WDR72: variants seen among roughly 807,000 people sequenced by gnomAD.
The protein encoded by WDR72 is WD repeat domain 72.
Under a neutral mutation model 124.2 loss-of-function variants are expected in WDR72, and 120 were observed. That is an observed-to-expected ratio of 0.97 (90% CI 0.83 to 1.12). WDR72 has a LOEUF of 1.12. Ranked by LOEUF, WDR72 falls within the 50% of genes most tolerant of loss-of-function variation. The pLI is 0.00. For missense variants in WDR72, 1,387 were observed against 1,278.8 expected (o/e 1.08, Z -1.29); for synonymous variants, 452 against 441.7 (o/e 1.02, Z -0.29).
intron 14 of WDR72, among the ~76,000 whole-genome samples, chr15:53,639,201 C>G (rs1002185128): frequency 1.3e-5 from 2 of 151,918 alleles, no homozygotes; most frequent in Non-Finnish European, 2.9e-5. Context: ...GTTTGTTAAC[C>G]ATTAATTAAT....
At chr15:53,707,880 T>G (rs7183827) in intron 9 of WDR72, among the ~76,000 whole-genome samples, 9,543 of 152,256 alleles carry the variant, frequency 0.063, 1,074 homozygotes, top group African/African-American at 0.22. Flanking sequence ...CACTTAGAAC[T>G]GATTGTTCCA....
At chr15:53,544,854 C>T (rs1893362261) in intron 18 of WDR72, among the ~76,000 whole-genome samples, 1 of 151,878 alleles carries the variant, frequency 6.6e-6, no homozygotes, top group Non-Finnish European at 1.5e-5. Flanking sequence ...CACAAACATT[C>T]TTATACACCA....
At chr15:53,689,033 T>A (rs948996872) in intron 13 of WDR72, among the ~76,000 whole-genome samples, 1 of 152,166 alleles carries the variant, frequency 6.6e-6, no homozygotes, top group African/African-American at 2.4e-5. Flanking sequence ...TGAAACTGGA[T>A]CCCTTCCTTA....
intron 1 of WDR72, among the ~76,000 whole-genome samples, chr15:53,738,812 G>A (rs117892054): frequency 0.08 from 12,175 of 152,162 alleles, 659 homozygotes; most frequent in Middle Eastern, 0.13. Flanking sequence ...TCACCTTGTT[G>A]GCGAAGCTGG....
intron 13 of WDR72, among the ~76,000 whole-genome samples, chr15:53,688,405 C>G (rs1272252696): frequency 1.3e-5 from 2 of 149,002 alleles, no homozygotes; most frequent in Admixed American, 6.7e-5. Flanking sequence ...CACAAGCATT[C>G]TTATACACCA....
intron 2 of WDR72, 108 bp from the exon 3 acceptor site, chr15:53,723,016 T>C: frequency 1.9e-6 from 2 of 1,071,172 alleles, no homozygotes; most frequent in Non-Finnish European, 2.8e-6. Context: ...TTGTTTTTGT[T>C]GTATACAAGT....
chr15:53,691,720 T>C lies in WDR72; in HGVS notation c.1765+8030A>G, dbSNP rs562111000. ...CAGTATTCCACATACAGTAACTTCA[T>C]ACATCTTTTCTGCAAACACTGTGTG... is the stretch of plus-strand genomic sequence containing the variant. On this transcript the variant is annotated intron_variant, in intron 13 of 19. Transcript: ENST00000360509. Among the ~76,000 whole-genome samples the C allele has an allele frequency of 3.0e-4, 45 of 152,310 alleles. No homozygotes were observed. The South Asian group carries it at 8.3e-3, about 28-fold the overall frequency.
At chr15:53,589,020 C>A (rs540192965) in intron 18 of WDR72, among the ~76,000 whole-genome samples, 5 of 151,874 alleles carry the variant, frequency 3.3e-5, no homozygotes, top group South Asian at 4.2e-4. Context: ...TTTGAGGCAG[C>A]GGCTCCTTAG....
chr15:53,750,720 G>A (rs1219709515), intron 1 of WDR72, among the ~76,000 whole-genome samples: 3 of 152,138 alleles, frequency 2.0e-5, no homozygotes, highest in Admixed American at 6.5e-5. Flanking sequence ...CAACATTAAC[G>A]GGAGTTGAGA....
At chr15:53,518,131 T>C (rs1891566271) in intron 19 of WDR72, among the ~76,000 whole-genome samples, 1 of 152,030 alleles carries the variant, frequency 6.6e-6, no homozygotes, top group South Asian at 2.1e-4. Context: ...GCTTAATTGT[T>C]CTTAGAAAAA....
intron 17 of WDR72, among the ~76,000 whole-genome samples, chr15:53,598,838 A>G (rs1390639950): frequency 6.6e-6 from 1 of 150,650 alleles, no homozygotes; most frequent in African/African-American, 2.5e-5. Flanking sequence ...TTAACATCAG[A>G]GTATCAATTA....
chr15:53,682,416 G>C (rs1278420272), intron 13 of WDR72, among the ~76,000 whole-genome samples: 3 of 152,052 alleles, frequency 2.0e-5, no homozygotes, highest in Non-Finnish European at 4.4e-5. Context: ...TATACAACGA[G>C]ACTTACATGC....
chr15:53,688,035 A>G (rs2016704120), intron 13 of WDR72, among the ~76,000 whole-genome samples: 1 of 147,264 alleles, frequency 6.8e-6, no homozygotes, highest in Non-Finnish European at 1.5e-5. Flanking sequence ...AAAACTCTCA[A>G]TAAATTAGGT....
chr15:53,528,016 G>A (rs1566943187), intron 18 of WDR72, among the ~76,000 whole-genome samples: 1 of 152,050 alleles, frequency 6.6e-6, no homozygotes, highest in Admixed American at 6.6e-5. Context: ...AATTCAGGTA[G>A]AAGAAAATAT....
At chr15:53,625,745 A>G (rs2014179500) in intron 14 of WDR72, among the ~76,000 whole-genome samples, 1 of 152,096 alleles carries the variant, frequency 6.6e-6, no homozygotes, top group East Asian at 1.9e-4. Context: ...GCAAACTGTA[A>G]GCAATCCAAA....
At chr15:53,720,734 C>T (rs1194232286) in intron 3 of WDR72, among the ~76,000 whole-genome samples, 16 of 152,136 alleles carry the variant, frequency 1.1e-4, no homozygotes, top group Admixed American at 6.5e-5. Flanking sequence ...CACTGTCTAC[C>T]TACAGGATCT....
chr15:53,609,237 G>A (rs1276184079), intron 17 of WDR72, among the ~76,000 whole-genome samples: 1 of 151,902 alleles, frequency 6.6e-6, no homozygotes, highest in Non-Finnish European at 1.5e-5. Context: ...TCAAATAATG[G>A]ACAATCCTGC....
intron 1 of WDR72, among the ~76,000 whole-genome samples, chr15:53,751,481 G>C (rs977670097): frequency 1.3e-5 from 2 of 152,072 alleles, no homozygotes; most frequent in Non-Finnish European, 2.9e-5. Flanking sequence ...TATGCACATT[G>C]TTACTTTAGA....
At chr15:53,595,725 A>T (rs1486858134) in intron 18 of WDR72, among the ~76,000 whole-genome samples, 1 of 152,170 alleles carries the variant, frequency 6.6e-6, no homozygotes, top group African/African-American at 2.4e-5. Context: ...TAGTCACTCA[A>T]AATTAATTAA....
Sources: gnomAD v4.1 joint callset for allele counts (sites outside exome capture counted in the v4.1 genomes callset) on GRCh38, gnomAD v4.1.1 for gene constraint, MANE v1.5 for transcripts, NCBI Gene and HGNC (gene_info 2026-07-23, HGNC 2026-07-21) for gene names.